Variants in ASAP1 observed in about 807,000 individuals in gnomAD.
The protein encoded by ASAP1 is ArfGAP with SH3 domain, ankyrin repeat and PH domain 1, also known as arf-GAP with SH3 domain, ANK repeat and PH domain-containing protein 1.
ASAP1 carries 43 observed loss-of-function variants against 145.2 expected under a neutral mutation model. That is an observed-to-expected ratio of 0.30 (90% CI 0.23 to 0.38). The LOEUF (loss-of-function observed/expected upper bound fraction) is 0.38, where lower values mean the gene tolerates loss of function less well. Ranked by LOEUF, ASAP1 falls within the 10% of genes least tolerant of loss-of-function variation. The pLI, the probability that ASAP1 is intolerant of heterozygous loss-of-function variation, is 1.00. For missense variants in ASAP1, 1,018 were observed against 1,355.3 expected (o/e 0.75, Z 3.91); for synonymous variants, 546 against 515.5 (o/e 1.06, Z -0.80).
chr8:130,410,235 A>T (rs1829207278), intron 1 of ASAP1, among the ~76,000 whole-genome samples: 1 of 152,112 alleles, frequency 6.6e-6, no homozygotes, highest in Non-Finnish European at 1.5e-5. Flanking sequence ...TCGTCAAAAA[A>T]CCTCACCGAC....
chr8:130,231,900 C>T (rs1240546898), intron 4 of ASAP1, among the ~76,000 whole-genome samples: 1 of 152,150 alleles, frequency 6.6e-6, no homozygotes, highest in Non-Finnish European at 1.5e-5. Context: ...GAAAGCCAGC[C>T]CCACTCCTAC....
intron 15 of ASAP1, among the ~76,000 whole-genome samples, chr8:130,133,208 A>G (rs2097585818): frequency 6.6e-6 from 1 of 152,200 alleles, no homozygotes; most frequent in African/African-American, 2.4e-5. Context: ...TCTCCCAAGC[A>G]GCTGAGATTT....
rs933870091 is a variant in ASAP1 at position 130,127,802 on chromosome 8, C to T, written c.1381+125G>A. On this transcript the variant is annotated intron_variant, in intron 16 of 29. Coordinates refer to ENST00000518721, the MANE Select transcript of ASAP1 (RefSeq NM_018482.4). ...GGTAGGAAAAATCACGTTGGGAATA[C>T]GTGTTTTGTGTGTGTATGTGAGTGT... The T allele has an allele frequency of 3.2e-5, 34 of 1,054,756 alleles. 1 individual carries two copies. The South Asian group carries it at 3.8e-4, about 12-fold the overall frequency. 65.3% of individuals were successfully genotyped at this position (1,054,756 alleles called of 1,614,324 possible).
intron 3 of ASAP1, among the ~76,000 whole-genome samples, chr8:130,255,250 C>T (rs1436145771): frequency 6.6e-6 from 1 of 152,138 alleles, no homozygotes; most frequent in Non-Finnish European, 1.5e-5. Flanking sequence ...AAGACAAGTT[C>T]CTTTTTGTTT....
At chr8:130,092,675 G>A (rs1338008199) in intron 24 of ASAP1, among the ~76,000 whole-genome samples, 2 of 152,102 alleles carry the variant, frequency 1.3e-5, no homozygotes, top group Admixed American at 6.5e-5. Context: ...AGTCAACACA[G>A]AATGCTACTG....
intron 3 of ASAP1, among the ~76,000 whole-genome samples, chr8:130,296,256 T>C (rs1822265969): frequency 6.6e-6 from 1 of 152,220 alleles, no homozygotes; most frequent in African/African-American, 2.4e-5. Flanking sequence ...AACAGAGGTT[T>C]ACCTGGTTGA....
At position 130,056,268 on chromosome 8, in the gene ASAP1, T is replaced by A. The variant is rs913245983; in HGVS notation, c.3316-1463A>T. Reference sequence around the variant, plus strand: ...ACGTGGGGGGGCTTCAGAGCCCACCTCCTCGTCATGAGATGAAGTGGACTC... The same window carrying A: ...ACGTGGGGGGGCTTCAGAGCCCACCACCTCGTCATGAGATGAAGTGGACTC... On this transcript the variant is annotated intron_variant, in intron 29 of 29. Transcript: ENST00000518721. Among the ~76,000 whole-genome samples, 3 of 152,208 alleles carry A rather than the reference T, an allele frequency of 2.0e-5. No homozygotes were observed. In the South Asian group the frequency reaches 6.2e-4, roughly 32 times the overall value.
At chr8:130,374,567 A>G (rs1384485531) in intron 2 of ASAP1, among the ~76,000 whole-genome samples, 4 of 152,314 alleles carry the variant, frequency 2.6e-5, no homozygotes, top group Middle Eastern at 3.4e-3. Context: ...TGGCTATATT[A>G]TTTTGTATAA....
chr8:130,247,534 AAC>A (rs1406990716), intron 3 of ASAP1, among the ~76,000 whole-genome samples: 1 of 150,006 alleles, frequency 6.7e-6, no homozygotes, highest in Non-Finnish European at 1.5e-5. Flanking sequence ...CTTAAAAAAA[AAC>A]AACAACAAGG....
intron 27 of ASAP1, among the ~76,000 whole-genome samples, chr8:130,068,445 C>T (rs114983816): frequency 1.3e-5 from 2 of 152,148 alleles, no homozygotes; most frequent in South Asian, 2.1e-4. Context: ...GGGTATAGTG[C>T]GAAAGAACTG....
chr8:130,297,766 C>T (rs930192895), intron 3 of ASAP1, among the ~76,000 whole-genome samples: 2 of 152,234 alleles, frequency 1.3e-5, no homozygotes, highest in Non-Finnish European at 1.5e-5. Flanking sequence ...ACAATGTTCA[C>T]ACTGTTCCTT....
At chr8:130,057,849 G>A in intron 29 of ASAP1, 105 bp downstream of exon 29, 3 of 1,441,808 alleles carry the variant, frequency 2.1e-6, no homozygotes, top group Non-Finnish European at 2.9e-6. Context: ...GGGTCCTTGT[G>A]CTCAAGAGCC....
At chr8:130,243,964 C>T (rs1383873719) in intron 3 of ASAP1, among the ~76,000 whole-genome samples, 2 of 152,184 alleles carry the variant, frequency 1.3e-5, no homozygotes, top group Non-Finnish European at 2.9e-5. Flanking sequence ...GCACTGAAAA[C>T]AATAGGAGAT....
chr8:130,400,866 C>T (rs1259997360), intron 2 of ASAP1, among the ~76,000 whole-genome samples: 1 of 151,968 alleles, frequency 6.6e-6, no homozygotes, highest in East Asian at 1.9e-4. Context: ...GTTCTTTACC[C>T]GTAAAATGAA....
Position 130,400,021 on chromosome 8 carries a change from T to G in ASAP1, c.59+1864A>C, listed in dbSNP as rs373512822. Reference sequence around the variant, plus strand: ...TTTTAGTACAGACAGAGTTTCTCCATGTTGCTTAGGCTGGTCTCGAACTCC... The same window carrying G: ...TTTTAGTACAGACAGAGTTTCTCCAGGTTGCTTAGGCTGGTCTCGAACTCC... On this transcript the variant is annotated intron_variant, in intron 2 of 29. Transcript: ENST00000518721. Among the ~76,000 whole-genome samples, 94 of 152,210 alleles carry G rather than the reference T, an allele frequency of 6.2e-4. 1 individual carries two copies. The highest frequency in any genetic ancestry group is 5.4e-3 in the East Asian group (28 of 5,162).
At chr8:130,184,186 A>G (rs922425046) in intron 7 of ASAP1, among the ~76,000 whole-genome samples, 4 of 152,234 alleles carry the variant, frequency 2.6e-5, no homozygotes, top group Admixed American at 2.0e-4. Context: ...ATGAATGCTT[A>G]TACCTATAAA....
chr8:130,253,306 T>G (rs1262573942), intron 3 of ASAP1, among the ~76,000 whole-genome samples: 1 of 152,190 alleles, frequency 6.6e-6, no homozygotes, highest in Non-Finnish European at 1.5e-5. Flanking sequence ...ATTAATCTCA[T>G]AGAGTTATAA....
At chr8:130,280,042 T>G (rs1377179542) in intron 3 of ASAP1, among the ~76,000 whole-genome samples, 2 of 152,200 alleles carry the variant, frequency 1.3e-5, no homozygotes, top group Non-Finnish European at 2.9e-5. Flanking sequence ...TGTTCCTTAT[T>G]TTATTTGGTC....
At chr8:130,194,941 T>C (rs959204328) in intron 5 of ASAP1, among the ~76,000 whole-genome samples, 2 of 152,202 alleles carry the variant, frequency 1.3e-5, no homozygotes, top group Non-Finnish European at 2.9e-5. Flanking sequence ...TCCAAGGCAC[T>C]TACAATACAG....
Sources: allele counts gnomAD v4.1 joint callset (sites outside exome capture counted in the v4.1 genomes callset), GRCh38; gene constraint gnomAD v4.1.1; transcripts MANE v1.5; gene names NCBI Gene and HGNC (gene_info 2026-07-23, HGNC 2026-07-21).